SUCLG2: variants seen among roughly 807,000 people sequenced by gnomAD.
The protein encoded by SUCLG2 is succinate--CoA ligase [GDP-forming] subunit beta, mitochondrial.
A neutral mutation model predicts 47.9 loss-of-function variants in SUCLG2; 42 were observed. The ratio of observed to expected loss-of-function variants is 0.88; its 90% CI spans 0.69 to 1.14. The LOEUF (loss-of-function observed/expected upper bound fraction) is 1.14. Among genes scored for constraint, SUCLG2 ranks in the 50% most tolerant of loss-of-function variants. The pLI, the probability that SUCLG2 is intolerant of heterozygous loss-of-function variation, is 0.00. For synonymous variants in SUCLG2, 195 were observed against 197.3 expected (o/e 0.99, Z 0.10); for missense variants, 571 against 525.9 (o/e 1.09, Z -0.84).
At chr3:67,561,264 AG>A (rs1182193381) in intron 2 of SUCLG2, among the ~76,000 whole-genome samples, 1 of 151,934 alleles carries the variant, frequency 6.6e-6, no homozygotes, top group Non-Finnish European at 1.5e-5. Flanking sequence ...TTTGTAGTAA[AG>A]GGTTAATGAA....
intron 10 of SUCLG2, among the ~76,000 whole-genome samples, chr3:67,379,433 C>A (rs1345145422): frequency 6.6e-6 from 1 of 152,120 alleles, no homozygotes; most frequent in Admixed American, 6.5e-5. Flanking sequence ...ATCACGGTTC[C>A]CACTTATTCA....
At chr3:67,528,277 T>C in intron 3 of SUCLG2, 55 bp from the exon 4 acceptor site, 1 of 1,511,518 alleles carries the variant, frequency 6.6e-7, no homozygotes, top group Non-Finnish European at 9.2e-7. Flanking sequence ...ATCATTTAAA[T>C]GAGAGTCCTT....
intron 9 of SUCLG2, among the ~76,000 whole-genome samples, chr3:67,418,782 G>A (rs1703090059): frequency 6.6e-6 from 1 of 152,152 alleles, no homozygotes; most frequent in South Asian, 2.1e-4. Flanking sequence ...TGCCTCTGTA[G>A]AGGTGGGGCT....
At chr3:67,602,310 T>C (rs761833157) in intron 2 of SUCLG2, among the ~76,000 whole-genome samples, 3 of 152,210 alleles carry the variant, frequency 2.0e-5, no homozygotes, top group Admixed American at 6.5e-5. Flanking sequence ...GCTGTTAAAA[T>C]TGAAGTTAAG....
chr3:67,542,586 G>A (rs1014107136), intron 2 of SUCLG2, among the ~76,000 whole-genome samples: 3 of 152,028 alleles, frequency 2.0e-5, no homozygotes, highest in Non-Finnish European at 4.4e-5. Context: ...CAGGAGACCC[G>A]TCTCACGTGC....
intron 10 of SUCLG2, among the ~76,000 whole-genome samples, chr3:67,377,266 T>C (rs1702053959): frequency 6.6e-6 from 1 of 152,246 alleles, no homozygotes; most frequent in South Asian, 2.1e-4. Flanking sequence ...TCTAAAGATA[T>C]GCTAGTCTGC....
chr3:67,362,022 C>G (rs563429593), intron 10 of SUCLG2, among the ~76,000 whole-genome samples: 1 of 152,240 alleles, frequency 6.6e-6, no homozygotes, highest in East Asian at 1.9e-4. Context: ...TAAGCCAAAC[C>G]AACAGGAAAA....
At chr3:67,365,917 A>G (rs561962245) in intron 10 of SUCLG2, among the ~76,000 whole-genome samples, 1 of 152,362 alleles carries the variant, frequency 6.6e-6, no homozygotes, top group East Asian at 1.9e-4. Flanking sequence ...AACATGAATC[A>G]ATCCCCTTAA....
intron 9 of SUCLG2, among the ~76,000 whole-genome samples, chr3:67,495,426 G>A (rs1048415981): frequency 5.3e-5 from 8 of 152,014 alleles, no homozygotes; most frequent in African/African-American, 1.2e-4. Context: ...AGGCCTAGGC[G>A]GGCAGACCAC....
At chr3:67,654,408 G>C (rs1490470772) in intron 1 of SUCLG2, 95 bp downstream of exon 1, 6 of 1,039,794 alleles carry the variant, frequency 5.8e-6, no homozygotes, top group Admixed American at 4.3e-5. Flanking sequence ...GGCCGCGCAG[G>C]GGGTCAGGCG....
intron 1 of SUCLG2, among the ~76,000 whole-genome samples, chr3:67,650,597 A>C (rs1701269045): frequency 6.6e-6 from 1 of 152,092 alleles, no homozygotes; most frequent in Non-Finnish European, 1.5e-5. Flanking sequence ...TCTCTACTAA[A>C]AATACAAAAA....
At chr3:67,568,365 A>T (rs1284668153) in intron 2 of SUCLG2, among the ~76,000 whole-genome samples, 1 of 152,156 alleles carries the variant, frequency 6.6e-6, no homozygotes, top group East Asian at 1.9e-4. Context: ...TAAATAAAAG[A>T]CTAAAAAGTA....
chr3:67,539,691 G>A (rs1382992901), intron 2 of SUCLG2, among the ~76,000 whole-genome samples: 1 of 152,114 alleles, frequency 6.6e-6, no homozygotes, highest in African/African-American at 2.4e-5. Flanking sequence ...TCTTGTCCTA[G>A]GCTTTTTTTG....
intron 1 of SUCLG2, among the ~76,000 whole-genome samples, chr3:67,640,166 G>GAT (rs1479203985): frequency 2.0e-5 from 3 of 152,186 alleles, no homozygotes; most frequent in Non-Finnish European, 4.4e-5. Flanking sequence ...CAGTAACAAT[G>GAT]AATTCAGCAC....
chr3:67,548,229 A>T (rs913154904), intron 2 of SUCLG2, among the ~76,000 whole-genome samples: 2 of 152,230 alleles, frequency 1.3e-5, no homozygotes, highest in Non-Finnish European at 2.9e-5. Flanking sequence ...ATTATTTGAG[A>T]GACTGTGCTT....
intron 10 of SUCLG2, among the ~76,000 whole-genome samples, chr3:67,390,480 AATTACATGTATTTACTTGCCTT>A: frequency 6.6e-6 from 1 of 152,184 alleles, no homozygotes; most frequent in Non-Finnish European, 1.5e-5. Flanking sequence ...GTAACTTTAT[AATTACATGTATTTACTTGCCTT>A]ATCAGAACAG....
chr3:67,364,505 G>A (rs563187985), intron 10 of SUCLG2, among the ~76,000 whole-genome samples: 2 of 152,106 alleles, frequency 1.3e-5, no homozygotes, highest in Admixed American at 1.3e-4. Flanking sequence ...GCAGCACTAG[G>A]CATTCCTTGC....
intron 6 of SUCLG2, among the ~76,000 whole-genome samples, chr3:67,518,006 T>C (rs1575749359): frequency 1.3e-5 from 2 of 152,332 alleles, no homozygotes; most frequent in East Asian, 3.9e-4. Flanking sequence ...ATGAAGTGTA[T>C]GTGTCCACAT....
chr3:67,466,809 A>G (rs528211066), intron 9 of SUCLG2, among the ~76,000 whole-genome samples: 1 of 152,330 alleles, frequency 6.6e-6, no homozygotes, highest in East Asian at 1.9e-4. Flanking sequence ...ATTGATTACT[A>G]TCAGGAAACG....
Sources: allele counts gnomAD v4.1 joint callset (sites outside exome capture counted in the v4.1 genomes callset), GRCh38; gene constraint gnomAD v4.1.1; transcripts MANE v1.5; gene names NCBI Gene and HGNC (gene_info 2026-07-23, HGNC 2026-07-21).